Variants in CDH4 observed in about 807,000 individuals in gnomAD.
CDH4 encodes cadherin 4, also known as cadherin-4.
In CDH4, 33 loss-of-function variants were observed where a neutral mutation model predicts 86.0. The observed-to-expected ratio is 0.38, with a 90% CI of 0.29 to 0.51. The LOEUF is 0.51. Ranked by LOEUF, CDH4 falls within the 20% of genes least tolerant of loss-of-function variation. The pLI, the probability that CDH4 is intolerant of heterozygous loss-of-function variation, is 0.86. For missense variants in CDH4, 1,114 were observed against 1,307.4 expected (o/e 0.85, Z 2.28); for synonymous variants, 555 against 549.4 (o/e 1.01, Z -0.14).
intron 7 of CDH4, among the ~76,000 whole-genome samples, chr20:61,893,925 C>T (rs919664191): frequency 1.3e-5 from 2 of 152,086 alleles, no homozygotes; most frequent in Non-Finnish European, 1.5e-5. Flanking sequence ...TAATTCCTTA[C>T]GGAGCCAGTT....
intron 2 of CDH4, chr20:61,570,570 G>T: frequency 1.5e-6 from 1 of 666,636 alleles, no homozygotes; most frequent in Non-Finnish European, 2.7e-6. Flanking sequence ...GACTTTTGTG[G>T]CTTCCTTTAC....
At chr20:61,568,824 G>C (rs1322415951) in intron 2 of CDH4, among the ~76,000 whole-genome samples, 3 of 152,154 alleles carry the variant, frequency 2.0e-5, no homozygotes, top group Non-Finnish European at 1.5e-5. Flanking sequence ...GTTCCTTCCT[G>C]GGAGGCTGCA....
chr20:61,734,808 G>T (rs1158473019), intron 2 of CDH4, among the ~76,000 whole-genome samples: 1 of 152,306 alleles, frequency 6.6e-6, no homozygotes, highest in East Asian at 1.9e-4. Flanking sequence ...CACCCAGCAC[G>T]TGGACACAGC....
At chr20:61,886,289 C>T (rs895837211) in intron 7 of CDH4, among the ~76,000 whole-genome samples, 4 of 152,176 alleles carry the variant, frequency 2.6e-5, no homozygotes, top group Admixed American at 6.5e-5. Flanking sequence ...GGCCAGGGCA[C>T]GCTCGACTCA....
intron 4 of CDH4, among the ~76,000 whole-genome samples, chr20:61,815,085 G>A (rs114727937): frequency 0.01 from 1,530 of 152,268 alleles, 30 homozygotes; most frequent in African/African-American, 0.034. Flanking sequence ...AGGAAATTCT[G>A]CACCCTGAGT....
At chr20:61,418,629 T>A (rs1041322638) in intron 2 of CDH4, among the ~76,000 whole-genome samples, 3 of 152,122 alleles carry the variant, frequency 2.0e-5, no homozygotes, top group African/African-American at 7.2e-5. Flanking sequence ...TGAAATCGCG[T>A]GTGGAGGAGT....
chr20:61,462,179 C>T (rs1196453842), intron 2 of CDH4, among the ~76,000 whole-genome samples: 2 of 152,194 alleles, frequency 1.3e-5, no homozygotes, highest in Admixed American at 1.3e-4. Flanking sequence ...ATTTGAACCG[C>T]CATCTCCCAG....
intron 4 of CDH4, among the ~76,000 whole-genome samples, chr20:61,778,981 T>C (rs1265431240): frequency 2.0e-5 from 3 of 152,148 alleles, no homozygotes; most frequent in African/African-American, 7.2e-5. Flanking sequence ...CACCAAGCAA[T>C]CCACATTCTG....
intron 7 of CDH4, among the ~76,000 whole-genome samples, chr20:61,885,321 A>C (rs917977597): frequency 2.0e-5 from 3 of 152,006 alleles, no homozygotes; most frequent in African/African-American, 7.3e-5. Context: ...CAGCTCCCCC[A>C]GCCCCTGGCA....
chr20:61,833,885 A>G (rs566920972), intron 4 of CDH4, among the ~76,000 whole-genome samples: 1 of 152,364 alleles, frequency 6.6e-6, no homozygotes, highest in Non-Finnish European at 1.5e-5. Flanking sequence ...GTGAAGAGCC[A>G]GTGAGGAGGC....
At chr20:61,593,356 A>G (rs1250805103) in intron 2 of CDH4, among the ~76,000 whole-genome samples, 1 of 152,124 alleles carries the variant, frequency 6.6e-6, no homozygotes, top group Non-Finnish European at 1.5e-5. Context: ...TCTTGGTTAT[A>G]CCCCGGAACT....
At chr20:61,463,682 A>G (rs2427116) in intron 2 of CDH4, among the ~76,000 whole-genome samples, 52,636 of 152,122 alleles carry the variant, frequency 0.35, 11,099 homozygotes, top group Admixed American at 0.49. Flanking sequence ...CCAGAGCTGT[A>G]AAAGAAAAAC....
chr20:61,830,069 G>A (rs181854179), intron 4 of CDH4, among the ~76,000 whole-genome samples: 98 of 150,798 alleles, frequency 6.5e-4, no homozygotes, highest in African/African-American at 2.3e-3. Flanking sequence ...ACCTTCATGG[G>A]GACTGCCCCC....
At chr20:61,591,503 A>T (rs747611052) in intron 2 of CDH4, among the ~76,000 whole-genome samples, 21 of 152,066 alleles carry the variant, frequency 1.4e-4, no homozygotes, top group Non-Finnish European at 2.6e-4. Flanking sequence ...GTTGAAATAG[A>T]TGAAAAAAAA....
chr20:61,908,104 G>T (rs75382304), intron 8 of CDH4, among the ~76,000 whole-genome samples: 1 of 152,166 alleles, frequency 6.6e-6, no homozygotes, highest in Non-Finnish European at 1.5e-5. Context: ...GCTGATTAAA[G>T]GACTTTCTCT....
At chr20:61,821,002 T>C (rs764529309) in intron 4 of CDH4, among the ~76,000 whole-genome samples, 63 of 151,968 alleles carry the variant, frequency 4.1e-4, no homozygotes, top group Non-Finnish European at 7.6e-4. Context: ...ATCCTGTAGT[T>C]CTAGGATTTG....
chr20:61,253,811 T>A (rs2084080556), intron 1 of CDH4, among the ~76,000 whole-genome samples: 1 of 151,830 alleles, frequency 6.6e-6, no homozygotes, highest in Non-Finnish European at 1.5e-5. Flanking sequence ...AGTCGAAGCA[T>A]GGGCGGGCGA....
At chr20:61,405,725 A>C (rs1220338231) in intron 2 of CDH4, among the ~76,000 whole-genome samples, 1 of 149,408 alleles carries the variant, frequency 6.7e-6, no homozygotes, top group East Asian at 2.0e-4. Context: ...ACAGAGTCTC[A>C]CTCTGTCACC....
At chr20:61,921,326 G>C (rs1419349531) in intron 9 of CDH4, among the ~76,000 whole-genome samples, 1 of 152,304 alleles carries the variant, frequency 6.6e-6, no homozygotes, top group Non-Finnish European at 1.5e-5. Flanking sequence ...TGGAAGCATG[G>C]TGTTGTGTAA....
Sources: gnomAD v4.1 joint callset for allele counts (sites outside exome capture counted in the v4.1 genomes callset) on GRCh38, gnomAD v4.1.1 for gene constraint, MANE v1.5 for transcripts, NCBI Gene and HGNC (gene_info 2026-07-23, HGNC 2026-07-21) for gene names.